The following C12orf42 variants were observed in gnomAD, a reference collection of about 807,000 sequenced individuals.
C12orf42 encodes uncharacterized protein C12orf42.
C12orf42 carries 25 observed loss-of-function variants against 21.6 expected under a neutral mutation model. That is an observed-to-expected ratio of 1.16 (90% CI 0.84 to 1.62). The LOEUF (loss-of-function observed/expected upper bound fraction) is 1.62. Ranked by LOEUF, C12orf42 falls within the 40% of genes most tolerant of loss-of-function variation. The pLI, the probability that C12orf42 is intolerant of heterozygous loss-of-function variation, is 0.00. For missense variants in C12orf42, 483 were observed against 459.3 expected, an observed-to-expected ratio of 1.05 and a Z score of -0.47; for synonymous variants, 174 against 175.0, an observed-to-expected ratio of 0.99 and a Z score of 0.05.
At chr12:103,415,043 C>T (rs1396709081) in intron 2 of C12orf42, among the ~76,000 whole-genome samples, 2 of 151,630 alleles carry the variant, frequency 1.3e-5, no homozygotes, top group African/African-American at 4.9e-5. Context: ...TAACAACACC[C>T]GTGGGCTCAA....
chr12:103,165,482 T>C, the C12orf42 span, among the ~76,000 whole-genome samples: 1 of 152,208 alleles, frequency 6.6e-6, no homozygotes. Flanking sequence ...ATTGCAAATA[T>C]ATGCCAAAGA....
chr12:103,346,029 T>C (rs936895514), intron 4 of C12orf42, among the ~76,000 whole-genome samples: 1 of 152,302 alleles, frequency 6.6e-6, no homozygotes, highest in East Asian at 1.9e-4. Flanking sequence ...CCATACTTCC[T>C]GAAATGAATT....
At chr12:103,301,153 T>C (rs370263577), downstream of C12orf42, among the ~76,000 whole-genome samples, 17 of 152,320 alleles carry the variant, frequency 1.1e-4, no homozygotes, top group African/African-American at 3.6e-4. Flanking sequence ...TTAAATGTAA[T>C]CATACTGTGT....
At chr12:103,453,357 T>G (rs1952078608) in intron 2 of C12orf42, among the ~76,000 whole-genome samples, 1 of 151,966 alleles carries the variant, frequency 6.6e-6, no homozygotes, top group Non-Finnish European at 1.5e-5. Context: ...AAAGTTTTAA[T>G]ACATCTTTGT....
the C12orf42 span, among the ~76,000 whole-genome samples, chr12:103,184,037 G>T: frequency 1.3e-5 from 2 of 152,138 alleles, no homozygotes; most frequent in Non-Finnish European, 2.9e-5. Flanking sequence ...AGCTGTGTAT[G>T]TTGCCACTGC....
intron 10 of C12orf42, among the ~76,000 whole-genome samples, chr12:103,243,481 G>T (rs191921105): frequency 1.2e-4 from 19 of 152,032 alleles, no homozygotes; most frequent in Admixed American, 6.6e-4. Flanking sequence ...TAAAATAATT[G>T]TATCCTTATT....
the C12orf42 span, among the ~76,000 whole-genome samples, chr12:103,159,208 T>G: frequency 6.6e-6 from 1 of 152,202 alleles, no homozygotes; most frequent in African/African-American, 2.4e-5. Flanking sequence ...ACTGATAGAA[T>G]TGCATTATAG....
At chr12:103,285,552 A>G (rs1288819389) in intron 4 of C12orf42, among the ~76,000 whole-genome samples, 1 of 152,216 alleles carries the variant, frequency 6.6e-6, no homozygotes, top group African/African-American at 2.4e-5. Context: ...ATGATAAGGA[A>G]GAAGCCTTTG....
chr12:103,267,253 G>T (rs2035214552), downstream of C12orf42, among the ~76,000 whole-genome samples: 1 of 152,080 alleles, frequency 6.6e-6, no homozygotes, highest in South Asian at 2.1e-4. Flanking sequence ...TGAGGGATCA[G>T]CAGCAATGAA....
the C12orf42 span, among the ~76,000 whole-genome samples, chr12:103,220,115 A>G: frequency 6.6e-6 from 1 of 152,194 alleles, no homozygotes; most frequent in Non-Finnish European, 1.5e-5. Context: ...TTGCAGGGAC[A>G]TGGATGAAAC....
intron 2 of C12orf42, among the ~76,000 whole-genome samples, chr12:103,436,015 T>C (rs4764961): frequency 0.99 from 149,642 of 151,640 alleles, 73,841 homozygotes; most frequent in East Asian, 1. Context: ...GGTCGGGATA[T>C]CCTCAAAGGG....
chr12:103,385,690 C>T (rs568222951), intron 3 of C12orf42, among the ~76,000 whole-genome samples: 2 of 152,316 alleles, frequency 1.3e-5, no homozygotes, highest in South Asian at 4.1e-4. Flanking sequence ...CTAAATTTCA[C>T]TTGCCCAATC....
intron 2 of C12orf42, among the ~76,000 whole-genome samples, chr12:103,468,549 T>A (rs767847790): frequency 3.5e-4 from 54 of 152,306 alleles, no homozygotes; most frequent in Non-Finnish European, 6.9e-4. Context: ...AAATTCTCAT[T>A]GTTTTTAATT....
the C12orf42 span, among the ~76,000 whole-genome samples, chr12:103,183,079 T>TATTTA: frequency 2.0e-5 from 3 of 152,256 alleles, no homozygotes; most frequent in Non-Finnish European, 4.4e-5. Context: ...TCTCTTGCTC[T>TATTTA]ATTTCATTTC....
chr12:103,562,090 A>G, the C12orf42 span, among the ~76,000 whole-genome samples: 1 of 152,222 alleles, frequency 6.6e-6, no homozygotes, highest in East Asian at 1.9e-4. Flanking sequence ...AGGGCTGGCA[A>G]AATCAATTTA....
At chr12:103,176,673 T>C in the C12orf42 span, among the ~76,000 whole-genome samples, 15 of 152,266 alleles carry the variant, frequency 9.9e-5, no homozygotes, top group African/African-American at 3.1e-4. Context: ...GTCCTGAAGA[T>C]AGTCATGGCA....
the C12orf42 span, chr12:103,504,156 C>T: frequency 0.035 from 5,327 of 152,754 alleles, 125 homozygotes; most frequent in South Asian, 0.11. Context: ...GGAGTGACCC[C>T]GGCAGCATGG....
At chr12:103,323,833 A>C (rs957026843) in intron 4 of C12orf42, among the ~76,000 whole-genome samples, 1 of 152,216 alleles carries the variant, frequency 6.6e-6, no homozygotes, top group African/African-American at 2.4e-5. Flanking sequence ...TTAAAAAGAA[A>C]TACTCCCTTT....
At chr12:103,503,466 A>C in the C12orf42 span, 1 of 152,278 alleles carries the variant, frequency 6.6e-6, no homozygotes, top group African/African-American at 2.4e-5. Context: ...AAGACTAAGA[A>C]AGATGGGAGG....
Sources: gnomAD v4.1 joint callset for allele counts (sites outside exome capture counted in the v4.1 genomes callset) on GRCh38, gnomAD v4.1.1 for gene constraint, MANE v1.5 for transcripts, NCBI Gene and HGNC (gene_info 2026-07-23, HGNC 2026-07-21) for gene names.